Variants in COL11A1 observed in about 807,000 individuals in gnomAD.
COL11A1 encodes the protein collagen alpha-1(XI) chain.
COL11A1 carries 74 observed loss-of-function variants against 265.2 expected under a neutral mutation model. That is an observed-to-expected ratio of 0.28 (90% confidence interval 0.23 to 0.34). COL11A1 has a LOEUF of 0.34. Ranked by LOEUF, COL11A1 falls within the 10% of genes least tolerant of loss-of-function variation. The probability of loss-of-function intolerance (pLI) is 1.00; values close to 1 mark genes in which losing one functional copy is unlikely to be tolerated. For synonymous variants in COL11A1, 816 were observed against 727.6 expected, an observed-to-expected ratio of 1.12 and a Z score of -1.96; for missense variants, 2,165 against 2,263.6, an observed-to-expected ratio of 0.96 and a Z score of 0.88.
intron 4 of COL11A1, among the ~76,000 whole-genome samples, chr1:103,069,656 CA>C (rs1174591929): frequency 6.6e-6 from 1 of 151,826 alleles, no homozygotes; most frequent in African/African-American, 2.4e-5. Flanking sequence ...ATATATCAGA[CA>C]AAAAATCTTT....
intron 4 of COL11A1, among the ~76,000 whole-genome samples, chr1:103,054,892 ACT>A (rs1670119985): frequency 6.6e-6 from 1 of 152,104 alleles, no homozygotes; most frequent in Non-Finnish European, 1.5e-5. Context: ...CAAAAGTGAA[ACT>A]CTGTCTCAAA....
intron 37 of COL11A1, among the ~76,000 whole-genome samples, chr1:102,966,284 G>T (rs2101599953): frequency 6.6e-6 from 1 of 152,200 alleles, no homozygotes; most frequent in East Asian, 1.9e-4. Context: ...AGCTGGAGAA[G>T]TAGATAGAAA....
intron 42 of COL11A1, among the ~76,000 whole-genome samples, chr1:102,944,918 T>C (rs1659096570): frequency 6.6e-6 from 1 of 152,184 alleles, no homozygotes; most frequent in Non-Finnish European, 1.5e-5. Context: ...CTTCTCCTAG[T>C]ACACAGTACA....
intron 41 of COL11A1, among the ~76,000 whole-genome samples, chr1:102,947,506 G>A (rs1027884889): frequency 2.0e-5 from 3 of 151,928 alleles, no homozygotes; most frequent in African/African-American, 7.2e-5. Flanking sequence ...AAGTCTGGAC[G>A]TTTTCCCAAA....
intron 49 of COL11A1, 48 bp downstream of exon 49, chr1:102,920,263 A>T (rs777552489): frequency 2.0e-6 from 3 of 1,514,434 alleles, no homozygotes; most frequent in Admixed American, 3.3e-5. Context: ...ATATTATTAC[A>T]GTTCTTAATT....
Position 102,898,908 on chromosome 1 carries a change from A to G in COL11A1, c.4140+33T>C, listed in dbSNP as rs564813746. The G allele has an allele frequency of 2.9e-6, 3 of 1,040,002 alleles. No individual in the cohort carries two copies. In the East Asian group the frequency reaches 9.1e-5, roughly 31 times the overall value. 64.4% of individuals were successfully genotyped at this position (1,040,002 alleles called of 1,614,324 possible). On this transcript the variant is annotated intron_variant, in intron 55 of 66. Coordinates refer to ENST00000370096, the MANE Select transcript of COL11A1 (RefSeq NM_001854.4). ...TAATACCTTGTATATATAATATATA[A>G]TATATATTATGTATATATTATTTTT...
At chr1:103,061,447 T>C (rs1222752415) in intron 4 of COL11A1, among the ~76,000 whole-genome samples, 1 of 152,074 alleles carries the variant, frequency 6.6e-6, no homozygotes, top group Non-Finnish European at 1.5e-5. Context: ...AGATTACTTA[T>C]CGTTCTAAAG....
chr1:102,940,456 C>G (rs773108542), intron 42 of COL11A1, 22 bp from the exon 43 acceptor site: 45 of 1,570,604 alleles, frequency 2.9e-5, no homozygotes, highest in Non-Finnish European at 3.8e-5. Context: ...ATCCAAAGAT[C>G]ATTAATTTTA....
rs112577505 is a variant in COL11A1, at chr1:102,898,729, G to A, written c.4185C>T (p.Val1395=). 6,341 of 1,612,996 alleles carry A rather than the reference G, an allele frequency of 3.9e-3. 20 individuals carry two copies. Among genetic ancestry groups the A allele is most frequent in the Non-Finnish European group, 4.7e-3 (5,577 of 1,179,386 alleles). ...GCTTTCCTGCAGGTCCCTGAGGACC[G>A]ACTGGGCCGGTTTTTCCAGGAGGAC... ...AEGPPGKTGP[V]GPQGPAGKPG... The change falls in exon 56 of 67, where the codon GTC becomes GTT. Residue 1395 remains valine, a synonymous_variant. Transcript: ENST00000370096.
intron 57 of COL11A1, among the ~76,000 whole-genome samples, chr1:102,897,873 C>T (rs1178103464): frequency 6.6e-6 from 1 of 151,666 alleles, no homozygotes; most frequent in Non-Finnish European, 1.5e-5. Flanking sequence ...TCATTAGTGG[C>T]ATTTCATTCA....
chr1:103,029,092 A>G (rs771226783), intron 5 of COL11A1, among the ~76,000 whole-genome samples: 5 of 152,120 alleles, frequency 3.3e-5, no homozygotes, highest in Non-Finnish European at 7.4e-5. Flanking sequence ...TATGTCAAGC[A>G]TATAACAATG....
At chr1:102,932,475 G>A (rs1279926227) in intron 46 of COL11A1, among the ~76,000 whole-genome samples, 1 of 152,094 alleles carries the variant, frequency 6.6e-6, no homozygotes, top group Non-Finnish European at 1.5e-5. Flanking sequence ...TTAGTCTGAT[G>A]GGCTTCCCTT....
Position 103,074,641 on chromosome 1 carries a change from T to A in COL11A1, c.628A>T (p.Ile210Phe), listed in dbSNP as rs779282500. Residue 210 changes from isoleucine (I) to phenylalanine (F), a missense_variant, in exon 4 of 67, where the codon ATT (isoleucine) becomes TTT (phenylalanine). By Grantham distance (21) the Ile-to-Phe change is conservative. Transcript: ENST00000370096. ...ACCTCAAAAACTTCTTCATCCAAAA[T>A]CCTTGTTCCAAAAACCGTGATTCCA... ...TNGITVFGTR[I>F]LDEEVFEGDI... is the part of the protein sequence containing the mutation. 6.2e-7 allele frequency: 1 copy of A among 1,613,138 alleles called. No individual in the cohort carries two copies.
At chr1:102,888,507 G>A (rs1014780637) in intron 62 of COL11A1, 70 bp downstream of exon 62, 3 of 1,430,232 alleles carry the variant, frequency 2.1e-6, no homozygotes, top group Admixed American at 1.7e-5. Flanking sequence ...TATCTTATAA[G>A]TTCAGAGAAA....
intron 23 of COL11A1, among the ~76,000 whole-genome samples, chr1:103,002,197 A>G (rs981779203): frequency 1.3e-5 from 2 of 152,132 alleles, no homozygotes; most frequent in Non-Finnish European, 2.9e-5. Context: ...GCAGGTGGCT[A>G]TTAGTCCTGG....
At position 103,025,876 on chromosome 1, in the gene COL11A1, G is replaced by A. The variant is rs559331475; in HGVS notation, c.898-263C>T. Reference sequence around the variant, plus strand: ...GGATGAAAATTTTTCAGATTTGGGGGGTGTAAACTTTTTGGATTTTTCCTT... The same window carrying A: ...GGATGAAAATTTTTCAGATTTGGGGAGTGTAAACTTTTTGGATTTTTCCTT... On this transcript the variant is annotated intron_variant, in intron 6 of 66. Transcript: ENST00000370096. 3.5e-5 allele frequency: 57 copies of A among 1,613,034 alleles called. No homozygotes were observed. The South Asian group carries it at 6.0e-4, about 17-fold the overall frequency.
intron 41 of COL11A1, among the ~76,000 whole-genome samples, chr1:102,959,955 T>C (rs1286003714): frequency 6.6e-6 from 1 of 152,178 alleles, no homozygotes; most frequent in African/African-American, 2.4e-5. Context: ...AAGATATCTT[T>C]AGAATCTGAA....
chr1:103,070,241 T>A (rs868565892), intron 4 of COL11A1, among the ~76,000 whole-genome samples: 2 of 129,038 alleles, frequency 1.5e-5, no homozygotes, highest in Admixed American at 7.6e-5. Flanking sequence ...AATAATAATA[T>A]TAAATACAAT....
In COL11A1 at chr1:102,976,289, C is replaced by CTTTTTTTTTTTTTTT. The variant is rs149842131; in HGVS notation, c.2755-1421_2755-1407dup. Among the ~76,000 whole-genome samples the CTTTTTTTTTTTTTTT allele has an allele frequency of 2.7e-4, 16 of 58,602 alleles. 5 individuals carry two copies. The highest frequency in any genetic ancestry group is 4.5e-4 in the Non-Finnish European group (14 of 31,088). The allele number at this position is 58,602 out of a possible 152,430, so 38.4% of individuals were successfully genotyped here. A position where few individuals can be genotyped will look rare whatever the true frequency, so the allele number is the denominator to read the frequency against. On this transcript the variant is annotated intron_variant, in intron 35 of 66. Coordinates refer to ENST00000370096, the MANE Select transcript of COL11A1 (RefSeq NM_001854.4). ...TATAAAATTTCACAGAAAACGTTGG[C>CTTTTTTTTTTTTTTT]TTTTTTTTTTTTTTTTTTTTTTTTT...
Sources: gnomAD v4.1 joint callset for allele counts (sites outside exome capture counted in the v4.1 genomes callset) on GRCh38, gnomAD v4.1.1 for gene constraint, MANE v1.5 for transcripts, NCBI Gene and HGNC (gene_info 2026-07-23, HGNC 2026-07-21) for gene names.